Variants in YAP1 observed in about 807,000 individuals in gnomAD.
The protein encoded by YAP1 is Yes1 associated transcriptional regulator.
A neutral mutation model predicts 56.9 loss-of-function variants in YAP1; 5 were observed. That is an observed-to-expected ratio of 0.09 (90% CI 0.05 to 0.18). YAP1 has a LOEUF of 0.18. Among genes scored for constraint, YAP1 ranks in the 10% least tolerant of loss-of-function variants. The pLI is 1.00. For synonymous variants in YAP1, 265 were observed against 248.1 expected (o/e 1.07, Z -0.64); for missense variants, 539 against 651.8 (o/e 0.83, Z 1.88).
At chr11:102,192,460 C>T (rs961371206) in intron 4 of YAP1, among the ~76,000 whole-genome samples, 1 of 152,218 alleles carries the variant, frequency 6.6e-6, no homozygotes, top group African/African-American at 2.4e-5. Context: ...AGGCTAGCAT[C>T]TCTTTTCCAC....
At chr11:102,173,865 T>A (rs1207828682) in intron 3 of YAP1, among the ~76,000 whole-genome samples, 1 of 152,244 alleles carries the variant, frequency 6.6e-6, no homozygotes, top group Admixed American at 6.5e-5. Context: ...ATAGTACTTT[T>A]GCTATATTGT....
intron 2 of YAP1, among the ~76,000 whole-genome samples, chr11:102,121,115 G>A (rs1049734095): frequency 5.3e-5 from 8 of 152,152 alleles, no homozygotes; most frequent in Non-Finnish European, 1.0e-4. Context: ...CATCACTGTG[G>A]TGTAAAAATA....
chr11:102,129,851 G>A (rs1944270933), intron 2 of YAP1, among the ~76,000 whole-genome samples: 1 of 147,036 alleles, frequency 6.8e-6, no homozygotes, highest in Admixed American at 6.9e-5. Flanking sequence ...CCAGGCTGGA[G>A]TGATGCAGTG....
At chr11:102,117,408 TA>T (rs1390557459) in intron 2 of YAP1, among the ~76,000 whole-genome samples, 1 of 152,326 alleles carries the variant, frequency 6.6e-6, no homozygotes, top group Middle Eastern at 3.4e-3. Context: ...GTCTATAACT[TA>T]TTGAGATTTA....
intron 2 of YAP1, among the ~76,000 whole-genome samples, chr11:102,117,693 T>A (rs1943375646): frequency 6.6e-6 from 1 of 152,168 alleles, no homozygotes; most frequent in African/African-American, 2.4e-5. Flanking sequence ...AGTGATACGG[T>A]GGAAGTATGG....
At chr11:102,202,774 A>G (rs1312932568) in intron 4 of YAP1, among the ~76,000 whole-genome samples, 1 of 152,182 alleles carries the variant, frequency 6.6e-6, no homozygotes, top group Non-Finnish European at 1.5e-5. Context: ...AATAACCTAA[A>G]ATGGATATAA....
chr11:102,201,106 C>G (rs1948831578), intron 4 of YAP1, among the ~76,000 whole-genome samples: 1 of 152,140 alleles, frequency 6.6e-6, no homozygotes, highest in Admixed American at 6.5e-5. Flanking sequence ...AGCAGAAATA[C>G]AAAATTATGT....
chr11:102,164,098 C>T (rs754240058), intron 3 of YAP1, among the ~76,000 whole-genome samples: 4 of 150,778 alleles, frequency 2.7e-5, no homozygotes, highest in Admixed American at 6.6e-5. Context: ...AGTGCAATGG[C>T]ATGGTCTCAG....
At chr11:102,147,895 T>G (rs1279500287) in intron 2 of YAP1, among the ~76,000 whole-genome samples, 1 of 152,184 alleles carries the variant, frequency 6.6e-6, no homozygotes. Context: ...CTTTAAAAAC[T>G]GGCATATTAG....
intron 4 of YAP1, among the ~76,000 whole-genome samples, chr11:102,193,863 G>T (rs546343127): frequency 1.7e-3 from 250 of 151,036 alleles, no homozygotes; most frequent in Non-Finnish European, 2.4e-3. Context: ...TTTTGAGACG[G>T]AGTCTCGCTC....
chr11:102,138,444 C>T (rs893830355), intron 2 of YAP1, among the ~76,000 whole-genome samples: 13 of 152,134 alleles, frequency 8.5e-5, no homozygotes, highest in African/African-American at 2.9e-4. Flanking sequence ...CACCATTCAT[C>T]TGTTTAGTCC....
intron 2 of YAP1, among the ~76,000 whole-genome samples, chr11:102,134,270 T>C (rs1315792018): frequency 6.6e-6 from 1 of 152,170 alleles, no homozygotes; most frequent in East Asian, 1.9e-4. Context: ...CATTTCAAGA[T>C]GCTAGATTAG....
At position 102,231,202 on chromosome 11, in the gene YAP1, G is replaced by A. The variant is rs1231775618; in HGVS notation, c.*1262G>A. The A allele has an allele frequency of 6.6e-6, 1 of 152,236 alleles. No individual in the cohort carries two copies. The highest frequency in any genetic ancestry group is 2.4e-5 in the African/African-American group (1 of 41,460). 9.4% of individuals were successfully genotyped at this position (152,236 alleles called of 1,614,324 possible). On this transcript the variant is annotated 3_prime_UTR_variant, in exon 9 of 9. Transcript: ENST00000282441. ...TTTTCTCCCTTGGACTAATTTTTAA[G>A]TCTCGATTGGAATTCAGTGAGTAGG...
chr11:102,116,803 T>C (rs1026313616), intron 2 of YAP1, among the ~76,000 whole-genome samples: 6 of 152,306 alleles, frequency 3.9e-5, no homozygotes, highest in East Asian at 1.9e-4. Flanking sequence ...AATTTTCTTA[T>C]ATAAAACTTT....
At chr11:102,156,027 G>A (rs180739561) in intron 2 of YAP1, among the ~76,000 whole-genome samples, 43 of 150,772 alleles carry the variant, frequency 2.9e-4, no homozygotes, top group African/African-American at 7.7e-4. Flanking sequence ...CATCACATTT[G>A]TTTCATCTTC....
At chr11:102,161,302 T>A (rs1591276670) in intron 2 of YAP1, among the ~76,000 whole-genome samples, 1 of 150,688 alleles carries the variant, frequency 6.6e-6, no homozygotes, top group East Asian at 2.0e-4. Context: ...GACCTTGTGA[T>A]CTGCCCGCCT....
intron 3 of YAP1, among the ~76,000 whole-genome samples, chr11:102,178,873 C>G (rs1947421240): frequency 6.6e-6 from 1 of 152,170 alleles, no homozygotes; most frequent in Admixed American, 6.5e-5. Flanking sequence ...TGGTGAGGAC[C>G]TCAGGAAGCT....
At chr11:102,143,528 C>A (rs371313873) in intron 2 of YAP1, among the ~76,000 whole-genome samples, 1 of 152,100 alleles carries the variant, frequency 6.6e-6, no homozygotes, top group African/African-American at 2.4e-5. Context: ...GCCAGCACAC[C>A]CCCCATATCT....
chr11:102,141,837 A>G (rs372160826), intron 2 of YAP1, among the ~76,000 whole-genome samples: 1 of 152,186 alleles, frequency 6.6e-6, no homozygotes, highest in South Asian at 2.1e-4. Flanking sequence ...TTTGTCTGGT[A>G]TGCAATAGAT....
Sources: allele counts gnomAD v4.1 joint callset (sites outside exome capture counted in the v4.1 genomes callset), GRCh38; gene constraint gnomAD v4.1.1; transcripts MANE v1.5; gene names NCBI Gene and HGNC (gene_info 2026-07-23, HGNC 2026-07-21).